Variants in DAPK2 observed in about 807,000 individuals in gnomAD.
The protein encoded by DAPK2 is death-associated protein kinase 2.
A neutral mutation model predicts 44.1 loss-of-function variants in DAPK2; 35 were observed. That is an observed-to-expected ratio of 0.79 (90% CI 0.61 to 1.05). The LOEUF (loss-of-function observed/expected upper bound fraction) is 1.05, where lower values mean the gene tolerates loss of function less well. Ranked by LOEUF, DAPK2 falls within the 50% of genes least tolerant of loss-of-function variation. The pLI is 0.00. For synonymous variants in DAPK2, 174 were observed against 182.6 expected, an observed-to-expected ratio of 0.95 and a Z score of 0.38; for missense variants, 453 against 483.2, an observed-to-expected ratio of 0.94 and a Z score of 0.59.
chr15:63,911,843 C>T (rs2146477320), intron 10 of DAPK2, 65 bp downstream of exon 11: 1 of 1,524,936 alleles, frequency 6.6e-7, no homozygotes, highest in Non-Finnish European at 9.0e-7. Context: ...AAAGGGAACT[C>T]ACCCATCCCT....
chr15:63,968,489 G>A (rs2078117542), intron 3 of DAPK2, among the ~76,000 whole-genome samples: 1 of 152,156 alleles, frequency 6.6e-6, no homozygotes. Flanking sequence ...GCTCTCTGCT[G>A]GACAATTTAT....
chr15:63,989,034 G>T (rs1451127749), intron 1 of DAPK2, among the ~76,000 whole-genome samples: 2 of 151,742 alleles, frequency 1.3e-5, no homozygotes, highest in Admixed American at 1.3e-4. Context: ...ACAAAAATTA[G>T]CCAGGCATGG....
At chr15:64,023,333 C>G (rs916800812) in intron 1 of DAPK2, among the ~76,000 whole-genome samples, 3 of 152,116 alleles carry the variant, frequency 2.0e-5, no homozygotes, top group African/African-American at 7.2e-5. Context: ...AAAAGGTGGC[C>G]ACTGAAAGGA....
intron 1 of DAPK2, chr15:64,029,969 G>A (rs1236137036): frequency 6.6e-6 from 1 of 152,622 alleles, no homozygotes; most frequent in African/African-American, 2.4e-5. Flanking sequence ...GGTGTAGGGA[G>A]CCCCTCTCTG....
At chr15:63,944,234 A>G (rs961725936) in intron 3 of DAPK2, among the ~76,000 whole-genome samples, 1 of 152,202 alleles carries the variant, frequency 6.6e-6, no homozygotes, top group Non-Finnish European at 1.5e-5. Context: ...GTCAGGACCC[A>G]GGTTCTCGTC....
At chr15:63,931,024 C>A (rs1004589264) in intron 4 of DAPK2, among the ~76,000 whole-genome samples, 1 of 151,960 alleles carries the variant, frequency 6.6e-6, no homozygotes, top group Admixed American at 6.6e-5. Flanking sequence ...ATCATTGCAC[C>A]ACTACACTCC....
intron 1 of DAPK2, among the ~76,000 whole-genome samples, chr15:63,992,966 T>C (rs539950036): frequency 6.6e-6 from 1 of 152,238 alleles, no homozygotes; most frequent in Non-Finnish European, 1.5e-5. Flanking sequence ...GGAAAAAGAC[T>C]GCAGAAAGAA....
At chr15:63,926,528 C>A (rs529236048) in intron 6 of DAPK2, among the ~76,000 whole-genome samples, 2 of 152,000 alleles carry the variant, frequency 1.3e-5, no homozygotes, top group Admixed American at 6.6e-5. Flanking sequence ...GAGAAGGAGA[C>A]GGAAAGGCCT....
Position 63,923,621 on chromosome 15 carries a change from G to A in DAPK2, c.858+1195C>T, listed in dbSNP as rs971278558. Among the ~76,000 whole-genome samples the A allele has an allele frequency of 2.0e-5, 3 of 152,246 alleles. No homozygotes were observed. The highest frequency in any genetic ancestry group is 4.8e-5 in the African/African-American group (2 of 41,460). ...ATTTAAGGGGTGCTCACGCAGACAA[G>A]CAGGCTGCAGCCAGGACTCCGCAGG... On this transcript the variant is annotated intron_variant, in intron 8 of 10. Coordinates refer to ENST00000261891, the Ensembl canonical transcript of DAPK2. This position sits in a 1 kb window ranked among gnomAD's most constrained non-coding sequence, Gnocchi z 4.2.
At chr15:63,996,809 C>T (rs748880865) in intron 1 of DAPK2, among the ~76,000 whole-genome samples, 8 of 152,154 alleles carry the variant, frequency 5.3e-5, no homozygotes, top group Non-Finnish European at 8.8e-5. Flanking sequence ...CATGTACAGC[C>T]GATCCTAATG....
chr15:63,926,009 C>T (rs777495185), exon 7 of DAPK2: 2 of 1,614,222 alleles, frequency 1.2e-6, no homozygotes, highest in Admixed American at 3.3e-5. Context: ...TGAAGAATTC[C>T]TCATCAAAGT....
At chr15:63,998,805 T>G (rs2079014228) in intron 1 of DAPK2, among the ~76,000 whole-genome samples, 1 of 152,212 alleles carries the variant, frequency 6.6e-6, no homozygotes, top group African/African-American at 2.4e-5. Flanking sequence ...CAGTGCTGCT[T>G]GTTCACTGTT....
chr15:63,923,491 C>T lies in DAPK2; in HGVS notation c.858+1325G>A, dbSNP rs2079147573. 2.9e-6 allele frequency: 4 copies of T among 1,393,596 alleles called. No individual in the cohort carries two copies. Among genetic ancestry groups the T allele is most frequent in the South Asian group, 1.5e-5 (1 of 67,178 alleles). The allele number at this position is 1,393,596 out of a possible 1,614,324, so 86.3% of individuals were successfully genotyped here. A position where few individuals can be genotyped will look rare whatever the true frequency, so the allele number is the denominator to read the frequency against. On this transcript the variant is annotated intron_variant, in intron 8 of 10. Coordinates refer to ENST00000261891, the Ensembl canonical transcript of DAPK2. This position sits in a 1 kb window ranked among gnomAD's most constrained non-coding sequence, Gnocchi z 4.2. ...GGGGAGAACCAGGGTGGGATGAGCACCTCCTTAGGCCATAAGTGAGGTCAA... is the reference window on the plus strand; with the variant it reads ...GGGGAGAACCAGGGTGGGATGAGCATCTCCTTAGGCCATAAGTGAGGTCAA...
intron 2 of DAPK2, among the ~76,000 whole-genome samples, chr15:63,972,067 T>A (rs1212150878): frequency 6.6e-6 from 1 of 152,200 alleles, no homozygotes; most frequent in East Asian, 1.9e-4. Flanking sequence ...GGGCTTACTT[T>A]CCCCTTGCAC....
chr15:64,004,484 C>T (rs188011451), intron 1 of DAPK2, among the ~76,000 whole-genome samples: 7 of 152,304 alleles, frequency 4.6e-5, no homozygotes, highest in Admixed American at 4.6e-4. Flanking sequence ...CTATGGCTTG[C>T]CTCATGCTGA....
intron 3 of DAPK2, among the ~76,000 whole-genome samples, chr15:63,968,238 C>T (rs1052571512): frequency 3.3e-5 from 5 of 152,340 alleles, no homozygotes; most frequent in Admixed American, 2.6e-4. Flanking sequence ...TGAGTTCCAG[C>T]TACTCATCAC....
At chr15:63,979,917 AAAAC>A (rs200598425) in intron 2 of DAPK2, among the ~76,000 whole-genome samples, 4,350 of 152,068 alleles carry the variant, frequency 0.029, 94 homozygotes, top group African/African-American at 0.06. Flanking sequence ...TCCATCTCAA[AAAAC>A]AAACAAACAA....
At chr15:63,925,993 T>G (rs751652141) in exon 7 of DAPK2, 5 of 1,614,212 alleles carry the variant, frequency 3.1e-6, no homozygotes, top group Non-Finnish European at 4.2e-6. Flanking sequence ...AGCTCGCTCG[T>G]CTGGCTGAAG....
At chr15:64,028,329 G>T (rs766477451) in intron 1 of DAPK2, among the ~76,000 whole-genome samples, 3 of 152,188 alleles carry the variant, frequency 2.0e-5, no homozygotes, top group Non-Finnish European at 2.9e-5. Context: ...AAAGTGCTGG[G>T]ATTTCAGGCA....
Sources: gnomAD v4.1 joint callset for allele counts (sites outside exome capture counted in the v4.1 genomes callset) on GRCh38, gnomAD v4.1.1 for gene constraint, Gnocchi (gnomAD v3.1) non-coding constraint, MANE v1.5 for transcripts, NCBI Gene and HGNC (gene_info 2026-07-23, HGNC 2026-07-21) for gene names.